Variants in GADL1 observed in about 807,000 individuals in gnomAD.
The protein encoded by GADL1 is acidic amino acid decarboxylase GADL1.
GADL1 carries 71 observed loss-of-function variants against 69.5 expected under a neutral mutation model. The ratio of observed to expected loss-of-function variants is 1.02; its 90% CI spans 0.84 to 1.25. The LOEUF is 1.25. GADL1 is among the 50% of genes most tolerant of loss of function. The pLI, the probability that GADL1 is intolerant of heterozygous loss-of-function variation, is 0.00. For synonymous variants in GADL1, 254 were observed against 214.4 expected (o/e 1.18, Z -1.62); for missense variants, 737 against 631.8 (o/e 1.17, Z -1.79).
At chr3:30,733,617 C>CTTCT (rs1695499515) in intron 14 of GADL1, among the ~76,000 whole-genome samples, 2 of 150,554 alleles carry the variant, frequency 1.3e-5, no homozygotes, top group South Asian at 4.2e-4. Flanking sequence ...TCCTTCCTTC[C>CTTCT]TTCCTTCCTT....
chr3:30,789,447 T>C (rs1696868291), intron 12 of GADL1, among the ~76,000 whole-genome samples: 1 of 151,904 alleles, frequency 6.6e-6, no homozygotes, highest in Non-Finnish European at 1.5e-5. Context: ...ATCTGAAGAG[T>C]CTTAGAATTT....
chr3:30,852,982 C>T (rs1233820905), intron 4 of GADL1, among the ~76,000 whole-genome samples: 2 of 152,140 alleles, frequency 1.3e-5, no homozygotes, highest in African/African-American at 2.4e-5. Flanking sequence ...TTGCCAGTGA[C>T]GTCCATGTAG....
intron 1 of GADL1, among the ~76,000 whole-genome samples, chr3:30,873,345 ACT>A (rs1698520061): frequency 6.6e-6 from 1 of 151,928 alleles, no homozygotes; most frequent in African/African-American, 2.4e-5. Flanking sequence ...ATCTTTATTA[ACT>A]CTATTTTATA....
At chr3:30,793,666 T>A (rs1455554023) in intron 12 of GADL1, among the ~76,000 whole-genome samples, 1 of 152,190 alleles carries the variant, frequency 6.6e-6, no homozygotes, top group East Asian at 1.9e-4. Flanking sequence ...TGCAAAACAA[T>A]TTTTCTTCCT....
intron 11 of GADL1, among the ~76,000 whole-genome samples, chr3:30,813,486 T>C (rs1253266197): frequency 6.6e-6 from 1 of 152,194 alleles, no homozygotes; most frequent in African/African-American, 2.4e-5. Flanking sequence ...AGCACAATAC[T>C]TAACAAAATC....
intron 14 of GADL1, among the ~76,000 whole-genome samples, chr3:30,777,186 G>GT (rs1404056694): frequency 1.3e-5 from 2 of 152,100 alleles, no homozygotes; most frequent in African/African-American, 2.4e-5. Context: ...GCTTACCTGA[G>GT]TAGGGAGTCT....
At chr3:30,744,411 AT>A (rs1235113840) in intron 14 of GADL1, among the ~76,000 whole-genome samples, 1 of 152,130 alleles carries the variant, frequency 6.6e-6, no homozygotes, top group Non-Finnish European at 1.5e-5. Flanking sequence ...GATGGCAAAA[AT>A]TTTTTGTGAA....
At position 30,727,959 on chromosome 3, in the gene GADL1, C is replaced by T. The variant is rs1232907902; in HGVS notation, c.*283G>A. 1 of 250,476 alleles carries T rather than the reference C, an allele frequency of 4.0e-6. No individual in the cohort carries two copies. Among genetic ancestry groups the T allele is most frequent in the African/African-American group, 2.2e-5 (1 of 45,044 alleles). 15.5% of individuals were successfully genotyped at this position (250,476 alleles called of 1,614,324 possible). A position where few individuals can be genotyped will look rare whatever the true frequency, so the allele number is the denominator to read the frequency against. On this transcript the variant is annotated 3_prime_UTR_variant, in exon 15 of 15. Coordinates refer to ENST00000282538, the MANE Select transcript of GADL1 (RefSeq NM_207359.3). Reference sequence around the variant, plus strand: ...AGCAATGTAAGCTTAGAATCCAGAACCTACATGGTACTTACTAAACTCTCT... The same window carrying T: ...AGCAATGTAAGCTTAGAATCCAGAATCTACATGGTACTTACTAAACTCTCT...
intron 14 of GADL1, among the ~76,000 whole-genome samples, chr3:30,751,384 A>G (rs886142057): frequency 2.6e-5 from 4 of 151,950 alleles, no homozygotes; most frequent in Non-Finnish European, 5.9e-5. Flanking sequence ...GTCTTCGCTC[A>G]GTCTGTGCTT....
At chr3:30,873,672 T>C (rs1186254504) in intron 1 of GADL1, among the ~76,000 whole-genome samples, 3 of 152,032 alleles carry the variant, frequency 2.0e-5, no homozygotes, top group Non-Finnish European at 2.9e-5. Flanking sequence ...TACAGGACTT[T>C]AAATGAATTC....
At position 30,728,033 on chromosome 3, in the gene GADL1, T is replaced by C; in HGVS notation, c.*209A>G. 1 of 447,142 alleles carries C rather than the reference T, an allele frequency of 2.2e-6. No individual in the cohort carries two copies. Among genetic ancestry groups the C allele is most frequent in the Non-Finnish European group, 4.0e-6 (1 of 251,642 alleles). 27.7% of individuals were successfully genotyped at this position (447,142 alleles called of 1,614,324 possible). A position where few individuals can be genotyped will look rare whatever the true frequency, so the allele number is the denominator to read the frequency against. ...TCCTTGAGAAAATCATTTTTTTTTT[T>C]AAACTTTCTTCTTTTAGCAACAGTA... On this transcript the variant is annotated 3_prime_UTR_variant, in exon 15 of 15. Transcript: ENST00000282538.
intron 14 of GADL1, among the ~76,000 whole-genome samples, chr3:30,752,078 C>T (rs1310712490): frequency 4.0e-5 from 6 of 151,506 alleles, no homozygotes; most frequent in South Asian, 4.2e-4. Flanking sequence ...AAACCTATTT[C>T]GTTAAAGTAC....
At chr3:30,755,098 A>G (rs1005874172) in intron 14 of GADL1, among the ~76,000 whole-genome samples, 11 of 151,964 alleles carry the variant, frequency 7.2e-5, no homozygotes, top group Admixed American at 2.0e-4. Flanking sequence ...TGCTTCACAT[A>G]GAGAAAATTA....
At chr3:30,831,815 C>A (rs1427162097) in intron 11 of GADL1, among the ~76,000 whole-genome samples, 1 of 151,828 alleles carries the variant, frequency 6.6e-6, no homozygotes, top group Non-Finnish European at 1.5e-5. Flanking sequence ...GGGAGATAGG[C>A]AAGAAGAGAA....
intron 14 of GADL1, among the ~76,000 whole-genome samples, chr3:30,774,467 G>A (rs1696488668): frequency 6.6e-6 from 1 of 152,110 alleles, no homozygotes; most frequent in Admixed American, 6.5e-5. Context: ...CATAATTTTT[G>A]AAAAGTATAT....
intron 14 of GADL1, among the ~76,000 whole-genome samples, chr3:30,737,157 G>T (rs895642594): frequency 6.6e-6 from 1 of 152,216 alleles, no homozygotes; most frequent in South Asian, 2.1e-4. Flanking sequence ...AAGCCTAGTG[G>T]TCTGTATATT....
Position 30,844,422 on chromosome 3 carries a change from G to T in GADL1, c.696C>A (p.Gly232=), listed in dbSNP as rs756024788. Reference sequence around the variant, plus strand: ...TTTCCACAAAGCAAACATTCTCAGTGCCAATCCCAAGAAAAGAGGCTGCCT... The same window carrying T: ...TTTCCACAAAGCAAACATTCTCAGTTCCAATCCCAAGAAAAGAGGCTGCCT... ...MKKAASFLGI[G]TENVCFVETD... Residue 232 remains glycine (G), a synonymous_variant, in exon 7 of 15, where the codon GGC becomes GGA. Transcript: ENST00000282538. The T allele has an allele frequency of 1.2e-6, 2 of 1,613,414 alleles. No individual in the cohort carries two copies. Among genetic ancestry groups the T allele is most frequent in the Non-Finnish European group, 1.7e-6 (2 of 1,179,406 alleles).
intron 14 of GADL1, among the ~76,000 whole-genome samples, chr3:30,766,078 T>C (rs995324305): frequency 1.3e-5 from 2 of 152,152 alleles, no homozygotes; most frequent in African/African-American, 4.8e-5. Flanking sequence ...ATTGACTGTA[T>C]TGGTTAAATG....
intron 12 of GADL1, 73 bp from the exon 13 acceptor site, chr3:30,786,479 A>T: frequency 1.2e-6 from 1 of 802,646 alleles, no homozygotes; most frequent in South Asian, 1.4e-5. Flanking sequence ...GATATGACAA[A>T]ACTGATTCAG....
Sources: gnomAD v4.1 joint callset for allele counts (sites outside exome capture counted in the v4.1 genomes callset) on GRCh38, gnomAD v4.1.1 for gene constraint, MANE v1.5 for transcripts, NCBI Gene and HGNC (gene_info 2026-07-23, HGNC 2026-07-21) for gene names.